The following ATG10 variants were observed in gnomAD, a reference collection of about 807,000 sequenced individuals.
The protein encoded by ATG10 is ubiquitin-like-conjugating enzyme ATG10.
ATG10 carries 30 observed loss-of-function variants against 32.1 expected under a neutral mutation model. The ratio of observed to expected loss-of-function variants is 0.94; its 90% CI spans 0.70 to 1.27. The LOEUF is 1.27. Among genes scored for constraint, ATG10 ranks in the 50% most tolerant of loss-of-function variants. ATG10 has a pLI of 0.00. For synonymous variants in ATG10, 87 were observed against 91.5 expected, an observed-to-expected ratio of 0.95 and a Z score of 0.28; for missense variants, 233 against 262.3, an observed-to-expected ratio of 0.89 and a Z score of 0.77.
At chr5:82,007,240 A>G (rs555322904) in intron 2 of ATG10, among the ~76,000 whole-genome samples, 1 of 152,288 alleles carries the variant, frequency 6.6e-6, no homozygotes, top group South Asian at 2.1e-4. Context: ...TTTGGAGTGA[A>G]TTTCTATTAG....
chr5:82,057,751 G>A (rs1708843609), intron 2 of ATG10, among the ~76,000 whole-genome samples: 2 of 152,062 alleles, frequency 1.3e-5, no homozygotes, highest in African/African-American at 2.4e-5. Flanking sequence ...ATTCATTAGT[G>A]TATTTAAGAG....
At chr5:82,069,962 G>C (rs560730902) in intron 3 of ATG10, among the ~76,000 whole-genome samples, 34 of 152,262 alleles carry the variant, frequency 2.2e-4, no homozygotes, top group South Asian at 1.2e-3. Flanking sequence ...CTTCAATAAT[G>C]CTCTTCCATA....
chr5:82,039,358 A>G (rs1197867326), intron 2 of ATG10, among the ~76,000 whole-genome samples: 1 of 152,228 alleles, frequency 6.6e-6, no homozygotes, highest in Non-Finnish European at 1.5e-5. Context: ...AATATTGATA[A>G]GATTTTTTTT....
chr5:82,055,081 A>T (rs1332375399), intron 2 of ATG10, among the ~76,000 whole-genome samples: 1 of 152,176 alleles, frequency 6.6e-6, no homozygotes, highest in Non-Finnish European at 1.5e-5. Context: ...TCTCTAAAAA[A>T]GCATCCTTCA....
chr5:82,214,401 G>A (rs920654642), intron 5 of ATG10, among the ~76,000 whole-genome samples: 11 of 152,132 alleles, frequency 7.2e-5, no homozygotes, highest in Non-Finnish European at 1.2e-4. Flanking sequence ...AGCTTGATAG[G>A]AATAATTTAG....
chr5:82,142,923 G>T (rs1767209749), intron 3 of ATG10, among the ~76,000 whole-genome samples: 1 of 152,152 alleles, frequency 6.6e-6, no homozygotes, highest in African/African-American at 2.4e-5. Flanking sequence ...CTAAAATAGG[G>T]AATTGAGGAG....
chr5:82,216,307 T>C (rs1422300624), intron 5 of ATG10, among the ~76,000 whole-genome samples: 2 of 152,236 alleles, frequency 1.3e-5, no homozygotes, highest in African/African-American at 4.8e-5. Context: ...CACCCTGGCT[T>C]AAGACTATTA....
At chr5:82,168,676 G>C (rs1743676958) in intron 4 of ATG10, among the ~76,000 whole-genome samples, 1 of 152,142 alleles carries the variant, frequency 6.6e-6, no homozygotes, top group Admixed American at 6.6e-5. Flanking sequence ...AGGCCTGAAG[G>C]ATGCTCATGG....
intron 5 of ATG10, among the ~76,000 whole-genome samples, chr5:82,220,794 C>G (rs1383337376): frequency 6.6e-6 from 1 of 150,654 alleles, no homozygotes; most frequent in Non-Finnish European, 1.5e-5. Flanking sequence ...TGGAATCTCG[C>G]TTTGTTGCCC....
At chr5:82,189,596 G>A (rs767185080) in intron 5 of ATG10, among the ~76,000 whole-genome samples, 9 of 152,068 alleles carry the variant, frequency 5.9e-5, no homozygotes, top group Non-Finnish European at 1.3e-4. Context: ...TATTTTAAGT[G>A]TTTTGAAATG....
intron 3 of ATG10, among the ~76,000 whole-genome samples, chr5:82,128,866 G>A (rs1016102336): frequency 8.6e-5 from 13 of 151,506 alleles, no homozygotes; most frequent in Non-Finnish European, 1.2e-4. Context: ...GAGTATTTTT[G>A]TGGTGTTCTC....
At chr5:82,227,875 A>G (rs529897736) in intron 5 of ATG10, among the ~76,000 whole-genome samples, 31 of 152,294 alleles carry the variant, frequency 2.0e-4, no homozygotes, top group African/African-American at 7.0e-4. Flanking sequence ...GATTAAATTG[A>G]TTCATACACA....
chr5:82,097,907 C>T (rs1157821249), intron 3 of ATG10, among the ~76,000 whole-genome samples: 1 of 152,164 alleles, frequency 6.6e-6, no homozygotes, highest in Non-Finnish European at 1.5e-5. Flanking sequence ...CATCTTAAAA[C>T]TATTTTAACA....
chr5:81,975,911 T>C (rs1019629603), intron 1 of ATG10, among the ~76,000 whole-genome samples: 4 of 151,858 alleles, frequency 2.6e-5, no homozygotes, highest in African/African-American at 9.7e-5. Context: ...ATCATAAAAA[T>C]ATGAAGCTTG....
At chr5:82,157,803 A>G (rs1432022781) in intron 3 of ATG10, among the ~76,000 whole-genome samples, 1 of 152,210 alleles carries the variant, frequency 6.6e-6, no homozygotes, top group Non-Finnish European at 1.5e-5. Flanking sequence ...AGTCTTCAGT[A>G]CAGCTAAGGA....
chr5:82,135,062 G>A (rs905487200), intron 3 of ATG10, among the ~76,000 whole-genome samples: 3 of 151,780 alleles, frequency 2.0e-5, no homozygotes, highest in East Asian at 3.9e-4. Flanking sequence ...TGTGGGATTG[G>A]TGGTGATCTC....
chr5:82,038,907 G>T (rs578230409), intron 2 of ATG10, among the ~76,000 whole-genome samples: 1 of 152,196 alleles, frequency 6.6e-6, no homozygotes, highest in South Asian at 2.1e-4. Context: ...GAGTGCTGTG[G>T]CATGATCATA....
chr5:82,241,621 G>A (rs796229630), intron 5 of ATG10, among the ~76,000 whole-genome samples: 11 of 152,148 alleles, frequency 7.2e-5, no homozygotes, highest in African/African-American at 2.4e-4. Context: ...GATCTTTGCA[G>A]CTGGTGTTCT....
At chr5:82,077,934 G>A (rs1013583825) in intron 3 of ATG10, among the ~76,000 whole-genome samples, 1 of 152,222 alleles carries the variant, frequency 6.6e-6, no homozygotes, top group African/African-American at 2.4e-5. Context: ...AGTAAGGGAT[G>A]AAATCACTCT....
Sources: gnomAD v4.1 joint callset for allele counts (sites outside exome capture counted in the v4.1 genomes callset) on GRCh38, gnomAD v4.1.1 for gene constraint, MANE v1.5 for transcripts, NCBI Gene and HGNC (gene_info 2026-07-23, HGNC 2026-07-21) for gene names.